MMP28: variants seen among roughly 807,000 people sequenced by gnomAD.
The protein encoded by MMP28 is matrix metallopeptidase 28.
A neutral mutation model predicts 60.5 loss-of-function variants in MMP28; 55 were observed. The observed-to-expected ratio is 0.91, with a 90% CI of 0.73 to 1.14. The LOEUF is 1.14. Among genes scored for constraint, MMP28 ranks in the 50% most tolerant of loss-of-function variants. The pLI is 0.00. For missense variants in MMP28, 686 were observed against 738.3 expected (o/e 0.93, Z 0.82); for synonymous variants, 318 against 312.5 (o/e 1.02, Z -0.18).
At chr17:35,786,935 C>A (rs1437784212) in intron 1 of MMP28, among the ~76,000 whole-genome samples, 1 of 151,770 alleles carries the variant, frequency 6.6e-6, no homozygotes, top group East Asian at 1.9e-4. Context: ...TAGTGTCTTA[C>A]CAAAGTGATC....
downstream of MMP28, among the ~76,000 whole-genome samples, chr17:35,762,958 T>C (rs2085851681): frequency 2.0e-5 from 3 of 151,942 alleles, no homozygotes. Flanking sequence ...TGGTCTCTAC[T>C]AAAAATACAA....
chr17:35,793,224 A>G (rs571424764), intron 1 of MMP28, among the ~76,000 whole-genome samples: 1 of 152,344 alleles, frequency 6.6e-6, no homozygotes, highest in Admixed American at 6.5e-5. Context: ...AAGAAACTCA[A>G]TCTGCTGGAT....
At chr17:35,760,845 T>C in intron 2 of MMP28, 1 of 1,451,580 alleles carries the variant, frequency 6.9e-7, no homozygotes, top group East Asian at 2.3e-5. Context: ...TGTGACCTAA[T>C]AGAGGCCCTA....
At chr17:35,772,852 T>G (rs2086201224) in intron 4 of MMP28, among the ~76,000 whole-genome samples, 2 of 152,158 alleles carry the variant, frequency 1.3e-5, no homozygotes. Flanking sequence ...ACATCCACTC[T>G]GGAGAACAAG....
At chr17:35,763,579 C>G (rs188506441), downstream of MMP28, among the ~76,000 whole-genome samples, 39 of 151,586 alleles carry the variant, frequency 2.6e-4, no homozygotes, top group East Asian at 2.8e-3. Context: ...AGCCACCATG[C>G]CTGGACTTAA....
rs2143144861 is a variant in MMP28, at chr17:35,766,411, A to G, written c.*89T>C. On this transcript the variant is annotated 3_prime_UTR_variant, in exon 8 of 8. Transcript: ENST00000605424. The surrounding 1 kb of genome is among the most constrained non-coding windows in gnomAD (Gnocchi z 4.3). ...TGCCCGGTCTTCTGCAGAGGGACTC[A>G]GAGGCTTCTAAGAGGGGTTCTGCCC... 1.4e-6 allele frequency: 2 copies of G among 1,440,558 alleles called. No individual in the cohort carries two copies. Among genetic ancestry groups the G allele is most frequent in the African/African-American group, 1.4e-5 (1 of 70,172 alleles). 89.2% of individuals were successfully genotyped at this position (1,440,558 alleles called of 1,614,324 possible). A position where few individuals can be genotyped will look rare whatever the true frequency, so the allele number is the denominator to read the frequency against.
chr17:35,763,993 C>T, downstream of MMP28: 3 of 1,529,084 alleles, frequency 2.0e-6, no homozygotes, highest in Non-Finnish European at 2.6e-6. Context: ...CCCTGACCTC[C>T]TCCCGGCCCG....
chr17:35,769,153 T>G (rs892077222), intron 5 of MMP28, among the ~76,000 whole-genome samples: 1 of 152,234 alleles, frequency 6.6e-6, no homozygotes, highest in African/African-American at 2.4e-5. Flanking sequence ...CCTAGCTGCA[T>G]GACCCTGAGC....
chr17:35,787,636 G>A (rs374718473), intron 1 of MMP28, among the ~76,000 whole-genome samples: 2 of 152,072 alleles, frequency 1.3e-5, no homozygotes, highest in Non-Finnish European at 2.9e-5. Context: ...GATTACAGGC[G>A]TACACACCAT....
intron 6 of MMP28, 116 bp from the exon 7 acceptor site, chr17:35,768,035 T>C (rs965413462): frequency 3.0e-6 from 4 of 1,352,250 alleles, no homozygotes; most frequent in Non-Finnish European, 4.0e-6. Context: ...GTATGGTGTG[T>C]ACAGTTGGCG....
chr17:35,788,928 C>T (rs1193670973), intron 1 of MMP28, among the ~76,000 whole-genome samples: 1 of 152,156 alleles, frequency 6.6e-6, no homozygotes, highest in African/African-American at 2.4e-5. Flanking sequence ...TGTTAATTCT[C>T]AATCTTGCAA....
rs775318981 is a variant in MMP28, at chr17:35,779,485, G to A, written c.112-162C>T. ...ATGAGTTCTGGGATTAAAGTCAAAAGGACCTGGACTCAATTCCAGGTCACC... is the reference window on the plus strand; with the variant it reads ...ATGAGTTCTGGGATTAAAGTCAAAAAGACCTGGACTCAATTCCAGGTCACC... On this transcript the variant is annotated intron_variant, in intron 1 of 7. Coordinates refer to ENST00000605424, the MANE Select transcript of MMP28 (RefSeq NM_024302.5). The A allele has an allele frequency of 3.9e-4, 231 of 599,308 alleles. 1 individual carries two copies. Among genetic ancestry groups the A allele is most frequent in the Non-Finnish European group, 8.2e-5 (28 of 339,612 alleles). 37.1% of individuals were successfully genotyped at this position (599,308 alleles called of 1,614,324 possible).
intron 1 of MMP28, among the ~76,000 whole-genome samples, chr17:35,794,594 C>T (rs1202883806): frequency 2.0e-4 from 30 of 152,022 alleles, no homozygotes; most frequent in Admixed American, 2.0e-3. Context: ...CCCACCCCTA[C>T]CTCACAAAAA....
chr17:35,767,937 A>G lies in MMP28; in HGVS notation c.1001-18T>C. Reference sequence around the variant, plus strand: ...TTGCCTGTCTGCCCAGAGACAAGAGAGAGTTGAGGAGTGACCATCAGCTTC... The same window carrying G: ...TTGCCTGTCTGCCCAGAGACAAGAGGGAGTTGAGGAGTGACCATCAGCTTC... On this transcript the variant is annotated intron_variant, in intron 6 of 7. Coordinates refer to ENST00000605424, the MANE Select transcript of MMP28 (RefSeq NM_024302.5). 1 of 1,545,784 alleles carries G rather than the reference A, an allele frequency of 6.5e-7. No homozygotes were observed. Among genetic ancestry groups the G allele is most frequent in the East Asian group, 2.3e-5 (1 of 44,360 alleles).
intron 3 of MMP28, among the ~76,000 whole-genome samples, chr17:35,775,221 G>A (rs2086290167): frequency 6.6e-6 from 1 of 152,230 alleles, no homozygotes; most frequent in South Asian, 2.1e-4. Context: ...GAGAGGACCA[G>A]GGGAGGGGGT....
intron 2 of MMP28, chr17:35,757,422 T>C (rs2085752241): frequency 6.6e-6 from 1 of 152,142 alleles, no homozygotes; most frequent in Admixed American, 6.6e-5. Flanking sequence ...GCTTTGGTCA[T>C]AGTTGCATGA....
downstream of MMP28, among the ~76,000 whole-genome samples, chr17:35,762,648 T>C (rs958753766): frequency 6.6e-6 from 1 of 152,136 alleles, no homozygotes; most frequent in Admixed American, 6.6e-5. Flanking sequence ...GGTCTGCCCA[T>C]AGAGGGTCCT....
intron 1 of MMP28, among the ~76,000 whole-genome samples, chr17:35,781,984 A>G (rs1555609495): frequency 6.6e-6 from 1 of 150,884 alleles, no homozygotes; most frequent in Non-Finnish European, 1.5e-5. Flanking sequence ...TGACCCTCCT[A>G]TAGCCTCTTG....
In MMP28 at chr17:35,767,678, G is replaced by T. The variant is rs2085987008; in HGVS notation, c.1168+74C>A. 4.0e-6 allele frequency: 6 copies of T among 1,512,556 alleles called. No individual in the cohort carries two copies. The Admixed American group carries it at 1.2e-4, about 31-fold the overall frequency. 93.7% of individuals were successfully genotyped at this position (1,512,556 alleles called of 1,614,324 possible). On this transcript the variant is annotated intron_variant, in intron 7 of 7. Transcript: ENST00000605424. ...TCGTGTGAGAGTCTTCCCCTCTTTTGTCCTCTTTTGACCTTGGGCAGGACA... is the reference window on the plus strand; with the variant it reads ...TCGTGTGAGAGTCTTCCCCTCTTTTTTCCTCTTTTGACCTTGGGCAGGACA...
Sources: allele counts gnomAD v4.1 joint callset (sites outside exome capture counted in the v4.1 genomes callset), GRCh38; gene constraint gnomAD v4.1.1; non-coding constraint Gnocchi (gnomAD v3.1); transcripts MANE v1.5; gene names NCBI Gene and HGNC (gene_info 2026-07-23, HGNC 2026-07-21).